The following SPTLC3 variants were observed in gnomAD, a reference collection of about 807,000 sequenced individuals.
The protein encoded by SPTLC3 is serine palmitoyltransferase 3.
Under a neutral mutation model 59.3 loss-of-function variants are expected in SPTLC3, and 36 were observed. That is an observed-to-expected ratio of 0.61 (90% CI 0.47 to 0.80). SPTLC3 has a LOEUF of 0.80. Among genes scored for constraint, SPTLC3 ranks in the 30% least tolerant of loss-of-function variants. The pLI, the probability that SPTLC3 is intolerant of heterozygous loss-of-function variation, is 0.00. For missense variants in SPTLC3, 625 were observed against 685.1 expected (o/e 0.91, Z 0.98); for synonymous variants, 257 against 240.8 (o/e 1.07, Z -0.62).
chr20:13,010,344 C>T (rs1985174622), intron 1 of SPTLC3, among the ~76,000 whole-genome samples: 1 of 152,170 alleles, frequency 6.6e-6, no homozygotes, highest in Admixed American at 6.5e-5. Context: ...AGCAAGTATC[C>T]ACCCACAGGA....
intron 2 of SPTLC3, among the ~76,000 whole-genome samples, chr20:13,062,085 C>G (rs996924846): frequency 4.6e-5 from 7 of 152,166 alleles, no homozygotes; most frequent in Admixed American, 1.3e-4. Flanking sequence ...GTAATTTCCA[C>G]TTACATAGCC....
At chr20:13,027,078 A>G (rs1986184029) in intron 1 of SPTLC3, among the ~76,000 whole-genome samples, 1 of 152,080 alleles carries the variant, frequency 6.6e-6, no homozygotes, top group African/African-American at 2.4e-5. Context: ...TTAAAAGCAC[A>G]CCGTTCATTG....
At chr20:13,059,484 G>A (rs942605321) in intron 2 of SPTLC3, among the ~76,000 whole-genome samples, 4 of 152,156 alleles carry the variant, frequency 2.6e-5, no homozygotes, top group Admixed American at 6.5e-5. Context: ...TGCAGGCAGC[G>A]CCATCCCTTG....
intron 1 of SPTLC3, among the ~76,000 whole-genome samples, chr20:13,042,385 C>T (rs550343625): frequency 3.8e-4 from 58 of 152,308 alleles, no homozygotes; most frequent in African/African-American, 1.2e-3. Flanking sequence ...GATAGTAGCT[C>T]TAGGTGGGGC....
chr20:13,135,996 A>G (rs1165566040), intron 9 of SPTLC3, among the ~76,000 whole-genome samples: 2 of 152,244 alleles, frequency 1.3e-5, no homozygotes, highest in Non-Finnish European at 2.9e-5. Flanking sequence ...ATTTACTTAC[A>G]AGAGAAAAGG....
intron 1 of SPTLC3, among the ~76,000 whole-genome samples, chr20:13,042,658 C>A (rs1344354500): frequency 6.6e-6 from 1 of 152,134 alleles, no homozygotes; most frequent in Non-Finnish European, 1.5e-5. Flanking sequence ...AATACCATAA[C>A]CCTTGCCTGA....
intron 2 of SPTLC3, among the ~76,000 whole-genome samples, chr20:13,066,229 T>G (rs986572608): frequency 2.6e-5 from 2 of 77,708 alleles, no homozygotes; most frequent in African/African-American, 8.7e-5. Flanking sequence ...CCATTTTGAC[T>G]GCATTTTTAT....
chr20:13,096,197 T>G (rs1416293791), intron 6 of SPTLC3, among the ~76,000 whole-genome samples: 1 of 152,152 alleles, frequency 6.6e-6, no homozygotes, highest in Admixed American at 6.6e-5. Flanking sequence ...ATGGCACAAC[T>G]TCTTTGGAAA....
At chr20:13,041,056 A>C (rs1356162307) in intron 1 of SPTLC3, among the ~76,000 whole-genome samples, 1 of 152,170 alleles carries the variant, frequency 6.6e-6, no homozygotes, top group East Asian at 1.9e-4. Context: ...AATATGTCTG[A>C]TAACAGATCT....
chr20:13,075,271 G>C (rs1418498163), intron 4 of SPTLC3, among the ~76,000 whole-genome samples: 1 of 152,118 alleles, frequency 6.6e-6, no homozygotes, highest in Non-Finnish European at 1.5e-5. Flanking sequence ...GTCTAGCTCA[G>C]CTTTCTCTAC....
intron 4 of SPTLC3, among the ~76,000 whole-genome samples, chr20:13,090,699 C>A (rs1000936517): frequency 1.3e-5 from 2 of 152,158 alleles, no homozygotes; most frequent in African/African-American, 4.8e-5. Context: ...TAACTACTAT[C>A]CTGACTTCTA....
At chr20:13,022,228 A>G (rs1162206607) in intron 1 of SPTLC3, among the ~76,000 whole-genome samples, 1 of 152,160 alleles carries the variant, frequency 6.6e-6, no homozygotes, top group Non-Finnish European at 1.5e-5. Flanking sequence ...TCAGTAAAAC[A>G]TGAGCTGACC....
intron 2 of SPTLC3, among the ~76,000 whole-genome samples, chr20:13,056,150 A>C (rs1284149844): frequency 1.3e-5 from 2 of 152,196 alleles, no homozygotes; most frequent in African/African-American, 4.8e-5. Flanking sequence ...CTGTTGCTAC[A>C]AGAACTGCTC....
chr20:13,032,940 C>T (rs1263696703), intron 1 of SPTLC3, among the ~76,000 whole-genome samples: 1 of 152,034 alleles, frequency 6.6e-6, no homozygotes, highest in East Asian at 1.9e-4. Flanking sequence ...AAAACTTGAC[C>T]CCTCAAAGTT....
chr20:13,031,756 A>G (rs1312036813), intron 1 of SPTLC3, among the ~76,000 whole-genome samples: 2 of 151,390 alleles, frequency 1.3e-5, no homozygotes, highest in African/African-American at 4.8e-5. Context: ...ACTAGTATTC[A>G]CCTGAGATGG....
chr20:13,060,814 T>TTG (rs58161980), intron 2 of SPTLC3, among the ~76,000 whole-genome samples: 15,451 of 150,520 alleles, frequency 0.1, 2,240 homozygotes, highest in African/African-American at 0.33. Flanking sequence ...TGGTATTCCA[T>TTG]TGTGTGTGTG....
chr20:13,148,127 G>A lies in SPTLC3; in HGVS notation c.1280-5876G>A, dbSNP rs182559613. Among the ~76,000 whole-genome samples, 20 of 152,308 alleles carry A rather than the reference G, an allele frequency of 1.3e-4. No individual in the cohort carries two copies. In the East Asian group the frequency reaches 3.7e-3, roughly 28 times the overall value. Reference sequence around the variant, plus strand: ...TTCAGCCATCTGTAATTCCTTCTGGGCCTCTGGGAGACTGAGTTGTCCTAA... The same window carrying A: ...TTCAGCCATCTGTAATTCCTTCTGGACCTCTGGGAGACTGAGTTGTCCTAA... On this transcript the variant is annotated intron_variant, in intron 9 of 11. Transcript: ENST00000399002.
intron 7 of SPTLC3, among the ~76,000 whole-genome samples, chr20:13,113,049 G>A (rs954325446): frequency 1.3e-5 from 2 of 151,978 alleles, no homozygotes; most frequent in African/African-American, 4.8e-5. Context: ...CAGGTGTGGT[G>A]GTGCACTCCC....
intron 1 of SPTLC3, among the ~76,000 whole-genome samples, chr20:13,027,315 T>A (rs1986198709): frequency 6.6e-6 from 1 of 152,138 alleles, no homozygotes; most frequent in South Asian, 2.1e-4. Flanking sequence ...ACATCCAGGA[T>A]CTCATTGTAC....
Sources: gnomAD v4.1 joint callset for allele counts (sites outside exome capture counted in the v4.1 genomes callset) on GRCh38, gnomAD v4.1.1 for gene constraint, MANE v1.5 for transcripts, NCBI Gene and HGNC (gene_info 2026-07-23, HGNC 2026-07-21) for gene names.